SHANK2: variants seen among roughly 807,000 people sequenced by gnomAD.
The protein encoded by SHANK2 is SH3 and multiple ankyrin repeat domains 2, also known as SH3 and multiple ankyrin repeat domains protein 2.
A neutral mutation model predicts 133.7 loss-of-function variants in SHANK2; 43 were observed. The ratio of observed to expected loss-of-function variants is 0.32; its 90% CI spans 0.25 to 0.41. The LOEUF (loss-of-function observed/expected upper bound fraction) is 0.41. SHANK2 is among the 10% of genes least tolerant of loss of function. The probability of loss-of-function intolerance (pLI) is 1.00; values close to 1 mark genes in which losing one functional copy is unlikely to be tolerated. For missense variants in SHANK2, 1,994 were observed against 2,235.8 expected, an observed-to-expected ratio of 0.89 and a Z score of 2.18; for synonymous variants, 1,017 against 952.8, an observed-to-expected ratio of 1.07 and a Z score of -1.24.
intron 17 of SHANK2, among the ~76,000 whole-genome samples, chr11:70,598,521 C>T (rs1253268857): frequency 2.0e-5 from 3 of 152,152 alleles, no homozygotes; most frequent in African/African-American, 4.8e-5. Context: ...AATTCTAACC[C>T]GAACAATGTC....
At chr11:70,539,890 G>A (rs140589782) in intron 17 of SHANK2, among the ~76,000 whole-genome samples, 4 of 152,308 alleles carry the variant, frequency 2.6e-5, no homozygotes, top group South Asian at 2.1e-4. Context: ...TGGGGACTGC[G>A]AGGCAGTTTC....
intron 14 of SHANK2, among the ~76,000 whole-genome samples, chr11:70,762,651 C>A (rs1177827160): frequency 6.6e-6 from 1 of 152,184 alleles, no homozygotes; most frequent in Non-Finnish European, 1.5e-5. Context: ...ATCCCACAAG[C>A]AGTGGAGGTC....
At chr11:70,709,669 G>A in intron 14 of SHANK2, among the ~76,000 whole-genome samples, 1 of 152,248 alleles carries the variant, frequency 6.6e-6, no homozygotes, top group Non-Finnish European at 1.5e-5. Flanking sequence ...TTAAGGGAAG[G>A]CTTAGCGCAC....
chr11:70,729,705 T>A (rs1436745226), intron 14 of SHANK2, among the ~76,000 whole-genome samples: 2 of 147,128 alleles, frequency 1.4e-5, no homozygotes, highest in Non-Finnish European at 3.0e-5. Flanking sequence ...TTTTTTGTAT[T>A]TTTTTTTTTA....
intron 14 of SHANK2, among the ~76,000 whole-genome samples, chr11:70,723,495 G>C (rs1555029753): frequency 1.3e-5 from 2 of 152,128 alleles, no homozygotes; most frequent in African/African-American, 4.8e-5. Flanking sequence ...TGAGAGCTTG[G>C]AAGTGGACCC....
At chr11:70,932,433 C>G (rs1191224056) in intron 10 of SHANK2, among the ~76,000 whole-genome samples, 1 of 152,206 alleles carries the variant, frequency 6.6e-6, no homozygotes. Flanking sequence ...CGTGCGGCCC[C>G]GCTAAGGGAA....
At chr11:70,950,010 G>A in intron 10 of SHANK2, 2 of 456,064 alleles carry the variant, frequency 4.4e-6, no homozygotes, top group Admixed American at 2.4e-5. Context: ...TGCTGCACAG[G>A]TGGTGGCTCT....
intron 3 of SHANK2, among the ~76,000 whole-genome samples, chr11:71,143,059 C>A (rs1952585687): frequency 6.6e-6 from 1 of 152,128 alleles, no homozygotes; most frequent in East Asian, 1.9e-4. Context: ...CATGGTAAAA[C>A]CCCGTCTCTA....
At chr11:70,577,247 G>A (rs1554984488) in intron 17 of SHANK2, among the ~76,000 whole-genome samples, 1 of 152,196 alleles carries the variant, frequency 6.6e-6, no homozygotes, top group African/African-American at 2.4e-5. Flanking sequence ...GCATGATAAG[G>A]GATCATCAGT....
rs917444853 is a variant in SHANK2 at position 70,830,001 on chromosome 11, C to T, written c.1175-9319G>A. 5.9e-5 allele frequency among the ~76,000 whole-genome samples: 9 copies of T among 152,204 alleles called. No individual in the cohort carries two copies. The highest frequency in any genetic ancestry group is 8.8e-5 in the Non-Finnish European group (6 of 68,044). Reference sequence around the variant, plus strand: ...TTGCACAGGGGTTCTCACTGTCAGACGCGGGCAGCAGCCTGTAAGAGCCTC... The same window carrying T: ...TTGCACAGGGGTTCTCACTGTCAGATGCGGGCAGCAGCCTGTAAGAGCCTC... On this transcript the variant is annotated intron_variant, in intron 11 of 25. Transcript: ENST00000601538. This position sits in a 1 kb window ranked among gnomAD's most constrained non-coding sequence, Gnocchi z 4.4.
intron 17 of SHANK2, among the ~76,000 whole-genome samples, chr11:70,546,199 A>G (rs1405967354): frequency 6.8e-6 from 1 of 146,334 alleles, no homozygotes; most frequent in Non-Finnish European, 1.5e-5. Context: ...TCGGCCTCCC[A>G]AAGTGCTGGA....
chr11:71,241,013 GAGGAGGGGCCCAGGGAGTTCTCACAC>G (rs1954882142), intron 1 of SHANK2: 1 of 152,254 alleles, frequency 6.6e-6, no homozygotes. Context: ...TCTTGCTGAG[GAGGAGGGGCCCAGGGAGTTCTCACAC>G]CATGTGGGTG....
chr11:70,893,298 A>C (rs573431648), intron 11 of SHANK2, among the ~76,000 whole-genome samples: 18 of 152,396 alleles, frequency 1.2e-4, no homozygotes, highest in African/African-American at 4.3e-4. Flanking sequence ...AAAACGCACA[A>C]GCTAGTGGGG....
chr11:70,730,448 C>T (rs542479394), intron 14 of SHANK2, among the ~76,000 whole-genome samples: 1 of 152,280 alleles, frequency 6.6e-6, no homozygotes, highest in East Asian at 1.9e-4. Context: ...AAGCTGTGCA[C>T]ACCCCTAACT....
chr11:70,513,937 A>T (rs1209252058), intron 17 of SHANK2, among the ~76,000 whole-genome samples: 8 of 152,224 alleles, frequency 5.3e-5, no homozygotes, highest in Admixed American at 1.3e-4. Flanking sequence ...GAAGACAGAG[A>T]AAATGAGTCA....
At chr11:70,895,774 G>A (rs1013476951) in intron 11 of SHANK2, among the ~76,000 whole-genome samples, 4 of 152,026 alleles carry the variant, frequency 2.6e-5, no homozygotes, top group Admixed American at 6.6e-5. Context: ...ATCAAGAGCC[G>A]TGCCCTACAT....
Position 70,525,214 on chromosome 11 carries a change from C to T in SHANK2, c.2062-22283G>A, listed in dbSNP as rs76717360. 4.1e-3 allele frequency among the ~76,000 whole-genome samples: 620 copies of T among 152,358 alleles called. 21 individuals are homozygous for T. In the East Asian group the frequency reaches 0.087, roughly 21 times the overall value. On this transcript the variant is annotated intron_variant, in intron 17 of 25. Transcript: ENST00000601538. Reference sequence around the variant, plus strand: ...CTTGGGAGCGCATCCAGGCCCTTCTCCGCAGGTAACTCTTCTTCTGGGAAA... The same window carrying T: ...CTTGGGAGCGCATCCAGGCCCTTCTTCGCAGGTAACTCTTCTTCTGGGAAA...
At chr11:70,934,986 T>C (rs1950551838) in intron 10 of SHANK2, among the ~76,000 whole-genome samples, 1 of 152,220 alleles carries the variant, frequency 6.6e-6, no homozygotes, top group Non-Finnish European at 1.5e-5. Flanking sequence ...CTAGCCGCCC[T>C]GCTTCCTCTC....
intron 17 of SHANK2, among the ~76,000 whole-genome samples, chr11:70,609,948 G>T (rs960566477): frequency 6.6e-6 from 1 of 152,112 alleles, no homozygotes; most frequent in Non-Finnish European, 1.5e-5. Flanking sequence ...AAAGAAGCCA[G>T]GCGTAAAAGG....
Sources: allele counts gnomAD v4.1 joint callset (sites outside exome capture counted in the v4.1 genomes callset), GRCh38; gene constraint gnomAD v4.1.1; non-coding constraint Gnocchi (gnomAD v3.1); transcripts MANE v1.5; gene names NCBI Gene and HGNC (gene_info 2026-07-23, HGNC 2026-07-21).